The following PHYH variants were observed in gnomAD, a reference collection of about 807,000 sequenced individuals.
PHYH encodes phytanoyl-CoA dioxygenase, peroxisomal.
PHYH carries 32 observed loss-of-function variants against 38.5 expected under a neutral mutation model. The observed-to-expected ratio is 0.83, with a 90% CI of 0.63 to 1.12. The LOEUF (loss-of-function observed/expected upper bound fraction) is 1.12. PHYH is among the 50% of genes most tolerant of loss of function. The probability of loss-of-function intolerance (pLI) is 0.00; values close to 1 mark genes in which losing one functional copy is unlikely to be tolerated. For synonymous variants in PHYH, 166 were observed against 157.9 expected (o/e 1.05, Z -0.38); for missense variants, 426 against 434.8 (o/e 0.98, Z 0.18).
chr10:13,298,913 C>A (rs1251723223), intron 1 of PHYH, among the ~76,000 whole-genome samples: 2 of 75,404 alleles, frequency 2.7e-5, no homozygotes, highest in Non-Finnish European at 5.9e-5. Flanking sequence ...GAGCAAGACT[C>A]CGTCTCAAAA....
At chr10:13,282,527 G>A (rs1410142412) in intron 7 of PHYH, among the ~76,000 whole-genome samples, 1 of 146,760 alleles carries the variant, frequency 6.8e-6, no homozygotes, top group African/African-American at 2.5e-5. Context: ...GGGAGGCCAA[G>A]GTTGCAGTCA....
intron 2 of PHYH, among the ~76,000 whole-genome samples, chr10:13,296,922 C>T (rs1832571019): frequency 1.3e-5 from 2 of 151,626 alleles, no homozygotes; most frequent in Admixed American, 1.3e-4. Flanking sequence ...CCACTGCACT[C>T]CAGCCTGGGC....
At chr10:13,283,171 C>T (rs1460624877) in intron 7 of PHYH, among the ~76,000 whole-genome samples, 1 of 143,560 alleles carries the variant, frequency 7.0e-6, no homozygotes, top group Non-Finnish European at 1.5e-5. Context: ...CGCTGTCGCC[C>T]AGGCTGGAGT....
At chr10:13,298,404 T>C (rs1832634506) in intron 1 of PHYH, among the ~76,000 whole-genome samples, 159 bp from the exon 2 acceptor site, 1 of 151,766 alleles carries the variant, frequency 6.6e-6, no homozygotes, top group Non-Finnish European at 1.5e-5. Context: ...CCATCTCTAC[T>C]AAAAATACAA....
At chr10:13,287,335 A>AAAAAC (rs71287346) in intron 6 of PHYH, among the ~76,000 whole-genome samples, 31,496 of 151,546 alleles carry the variant, frequency 0.21, 3,428 homozygotes, top group South Asian at 0.31. Context: ...GAGACTCCTC[A>AAAAAC]AAAACAAAAC....
intron 6 of PHYH, among the ~76,000 whole-genome samples, chr10:13,284,690 T>C (rs72781350): frequency 0.017 from 2,586 of 152,310 alleles, 37 homozygotes; most frequent in South Asian, 0.034. Context: ...AATAGTAAAT[T>C]AAAACACTGT....
intron 5 of PHYH, among the ~76,000 whole-genome samples, chr10:13,289,333 C>T (rs1835643764): frequency 6.6e-6 from 1 of 151,986 alleles, no homozygotes; most frequent in African/African-American, 2.4e-5. Flanking sequence ...GTAGCTGGGA[C>T]TACAGGCGCC....
At chr10:13,296,243 G>T (rs527439466) in intron 2 of PHYH, among the ~76,000 whole-genome samples, 11 of 121,452 alleles carry the variant, frequency 9.1e-5, no homozygotes, top group African/African-American at 2.8e-4. Flanking sequence ...CTAAGACCAA[G>T]GAAATAATCT....
chr10:13,289,501 TTTA>T (rs2131642440), intron 5 of PHYH, among the ~76,000 whole-genome samples: 1 of 152,134 alleles, frequency 6.6e-6, no homozygotes, highest in African/African-American at 2.4e-5. Flanking sequence ...GGCCTTGTGC[TTTA>T]TTCTTTTGTG....
rs1466485512 is a variant in PHYH at position 13,288,915 on chromosome 10, C to T, written c.497-374G>A. 3.3e-5 allele frequency among the ~76,000 whole-genome samples: 4 copies of T among 119,976 alleles called. 1 individual carries two copies. Among genetic ancestry groups the T allele is most frequent in the African/African-American group, 9.0e-5 (3 of 33,318 alleles). 78.7% of individuals were successfully genotyped at this position (119,976 alleles called of 152,430 possible). ...CAGAGAGCGAGTCCCTGTCCCCCAC[C>T]CCCAACCAAAAAAAAAAAAAAAAAA... is the stretch of plus-strand genomic sequence containing the variant. On this transcript the variant is annotated intron_variant, in intron 5 of 8. Coordinates refer to ENST00000263038, the MANE Select transcript of PHYH (RefSeq NM_006214.4).
chr10:13,291,718 A>C, intron 5 of PHYH, 113 bp downstream of exon 5: 1 of 741,342 alleles, frequency 1.3e-6, no homozygotes, highest in African/African-American at 1.7e-5. Flanking sequence ...GGCCTCAGAG[A>C]TCTTCCTCCC....
chr10:13,283,170 C>T (rs1388854658), intron 7 of PHYH, among the ~76,000 whole-genome samples: 2 of 140,994 alleles, frequency 1.4e-5, no homozygotes, highest in Non-Finnish European at 3.0e-5. Flanking sequence ...TCGCTGTCGC[C>T]CAGGCTGGAG....
In PHYH at chr10:13,288,340, CA is replaced by C; in HGVS notation, c.678+19del. On this transcript the variant is annotated intron_variant, in intron 6 of 8. Transcript: ENST00000263038. ...TGCGAAGGAGATTCGGATCAAGACT[CA>C]GCCGCCGGGCAGACCTACCTCCCAC... 6.2e-7 allele frequency: 1 copy of C among 1,612,124 alleles called. No homozygotes were observed.
intron 1 of PHYH, among the ~76,000 whole-genome samples, chr10:13,299,129 C>A (rs1392333715): frequency 8.1e-4 from 102 of 125,938 alleles, no homozygotes; most frequent in African/African-American, 1.0e-3. Context: ...GGCCCTGTTT[C>A]AAAAAAAAAA....
intron 4 of PHYH, among the ~76,000 whole-genome samples, chr10:13,293,617 A>T (rs978498421): frequency 5.3e-5 from 8 of 151,692 alleles, no homozygotes; most frequent in African/African-American, 1.9e-4. Flanking sequence ...CACTTCTCTT[A>T]TTCAATCTTT....
At chr10:13,282,772 T>C (rs1168012500) in intron 7 of PHYH, among the ~76,000 whole-genome samples, 1 of 152,120 alleles carries the variant, frequency 6.6e-6, no homozygotes, top group African/African-American at 2.4e-5. Context: ...ATACATTGGG[T>C]ATTTTGCATT....
intron 1 of PHYH, among the ~76,000 whole-genome samples, chr10:13,299,209 G>T (rs920804344): frequency 6.6e-6 from 1 of 151,802 alleles, no homozygotes; most frequent in African/African-American, 2.4e-5. Context: ...ACTGCAGAGA[G>T]TTGACATAGA....
chr10:13,296,538 G>C (rs1301985635), intron 2 of PHYH, among the ~76,000 whole-genome samples: 1 of 147,880 alleles, frequency 6.8e-6, no homozygotes, highest in Non-Finnish European at 1.5e-5. Flanking sequence ...ACTCCAGCCT[G>C]GGTGACAGAG....
intron 2 of PHYH, among the ~76,000 whole-genome samples, chr10:13,297,932 T>C (rs1832610569): frequency 6.6e-6 from 1 of 151,532 alleles, no homozygotes; most frequent in African/African-American, 2.4e-5. Context: ...CCGTCTCTAT[T>C]AAAAATAAAT....
Sources: allele counts gnomAD v4.1 joint callset (sites outside exome capture counted in the v4.1 genomes callset), GRCh38; gene constraint gnomAD v4.1.1; transcripts MANE v1.5; gene names NCBI Gene and HGNC (gene_info 2026-07-23, HGNC 2026-07-21).